The following LY86 variants were observed in gnomAD, a reference collection of about 807,000 sequenced individuals.
LY86 encodes MD-1, RP105-associated.
Under a neutral mutation model 17.3 loss-of-function variants are expected in LY86, and 20 were observed. The ratio of observed to expected loss-of-function variants is 1.15; its 90% CI spans 0.81 to 1.68. LY86 has a LOEUF of 1.68. LY86 is among the 40% of genes most tolerant of loss of function. LY86 has a pLI of 0.00. For missense variants in LY86, 200 were observed against 191.9 expected (o/e 1.04, Z -0.25); for synonymous variants, 74 against 70.6 (o/e 1.05, Z -0.24).
At chr6:6,618,042 T>C (rs1449106317) in intron 1 of LY86, among the ~76,000 whole-genome samples, 2 of 152,208 alleles carry the variant, frequency 1.3e-5, no homozygotes, top group African/African-American at 4.8e-5. Context: ...GGTTTCACCA[T>C]GTTGGCCAGG....
At chr6:6,589,574 T>C (rs963921733) in intron 1 of LY86, among the ~76,000 whole-genome samples, 1 of 152,222 alleles carries the variant, frequency 6.6e-6, no homozygotes, top group African/African-American at 2.4e-5. Context: ...CTTAGTCAGC[T>C]AGGGCTGCCA....
chr6:6,613,309 G>GT (rs1011565466), intron 1 of LY86, among the ~76,000 whole-genome samples: 7 of 152,342 alleles, frequency 4.6e-5, no homozygotes, highest in African/African-American at 1.7e-4. Flanking sequence ...CTAGGGGACG[G>GT]AGCGCTATGG....
intron 1 of LY86, among the ~76,000 whole-genome samples, chr6:6,610,275 C>A (rs1376435201): frequency 6.6e-6 from 1 of 152,210 alleles, no homozygotes; most frequent in Admixed American, 6.5e-5. Context: ...GTACACAGGG[C>A]ACCTCTGTAC....
At chr6:6,612,402 A>G (rs1181577279) in intron 1 of LY86, among the ~76,000 whole-genome samples, 1 of 152,216 alleles carries the variant, frequency 6.6e-6, no homozygotes, top group African/African-American at 2.4e-5. Context: ...CCCAGTGGGT[A>G]CCTAGTCTCA....
chr6:6,650,339 G>GTTTTTTTTTTTTTTTTTTTT (rs138255515), intron 4 of LY86, among the ~76,000 whole-genome samples: 1 of 148,036 alleles, frequency 6.8e-6, no homozygotes. Flanking sequence ...CTCAGATAAT[G>GTTTTTTTTTTTTTTTTTTTT]GTTTTTTTTT....
intron 1 of LY86, among the ~76,000 whole-genome samples, chr6:6,608,966 A>G (rs963886203): frequency 2.0e-5 from 3 of 152,174 alleles, no homozygotes; most frequent in Non-Finnish European, 4.4e-5. Context: ...AGTATTTTTT[A>G]TTCCCCTAAT....
intron 3 of LY86, among the ~76,000 whole-genome samples, chr6:6,631,639 G>C (rs1306675932): frequency 1.3e-5 from 2 of 152,196 alleles, no homozygotes; most frequent in Non-Finnish European, 2.9e-5. Flanking sequence ...TCTGGGGTTG[G>C]GGCTTAGTGA....
intron 1 of LY86, among the ~76,000 whole-genome samples, chr6:6,605,033 A>T (rs1412233970): frequency 1.2e-5 from 1 of 86,946 alleles, no homozygotes; most frequent in African/African-American, 2.9e-5. Flanking sequence ...GACTTTGGAG[A>T]AAAAAAAATC....
chr6:6,620,041 G>A (rs985915571), intron 1 of LY86, among the ~76,000 whole-genome samples: 1 of 152,146 alleles, frequency 6.6e-6, no homozygotes, highest in African/African-American at 2.4e-5. Flanking sequence ...CAGCGACTCT[G>A]CTGTAAGAAT....
At chr6:6,604,992 G>A (rs1184821405) in intron 1 of LY86, among the ~76,000 whole-genome samples, 2 of 151,498 alleles carry the variant, frequency 1.3e-5, no homozygotes, top group Non-Finnish European at 2.9e-5. Context: ...TCTACATACA[G>A]TATAGTTAAG....
chr6:6,629,641 G>A (rs1007756239), intron 3 of LY86, among the ~76,000 whole-genome samples: 4 of 152,226 alleles, frequency 2.6e-5, no homozygotes, highest in East Asian at 1.9e-4. Context: ...ACTGCATCTC[G>A]CTGGCTTTTC....
At chr6:6,648,002 C>T (rs1225884374) in intron 3 of LY86, among the ~76,000 whole-genome samples, 2 of 130,964 alleles carry the variant, frequency 1.5e-5, no homozygotes, top group African/African-American at 5.7e-5. Flanking sequence ...CACACACACA[C>T]ACACACACAC....
rs1222058885 is a variant in LY86, at chr6:6,624,944, G to A, written c.155G>A (p.Gly52Asp). The change falls in exon 2 of 5, where the codon GGC becomes GAC. Residue 52 changes from glycine (G) to aspartate (D), a missense_variant. By Grantham distance (94) the Gly-to-Asp change is moderately conservative. Transcript: ENST00000230568. Reference sequence around the variant, plus strand: ...TTCGTAGATCCATTACAAGATTTTGGCTTTTCTGTTGAAAAGTGTTCCAAG... The same window carrying A: ...TTCGTAGATCCATTACAAGATTTTGACTTTTCTGTTGAAAAGTGTTCCAAG... ...YQSCDPLQDF[G>D]FSVEKCSKQL... The A allele has an allele frequency of 6.4e-6, 10 of 1,556,338 alleles. No homozygotes were observed. The highest frequency in any genetic ancestry group is 8.8e-6 in the Non-Finnish European group (10 of 1,134,724).
At chr6:6,631,310 G>C (rs1288725754) in intron 3 of LY86, among the ~76,000 whole-genome samples, 1 of 152,156 alleles carries the variant, frequency 6.6e-6, no homozygotes, top group Non-Finnish European at 1.5e-5. Context: ...ACTTACCCAA[G>C]GTCACAAAGC....
At chr6:6,651,803 C>T (rs1762190498) in intron 4 of LY86, among the ~76,000 whole-genome samples, 1 of 151,980 alleles carries the variant, frequency 6.6e-6, no homozygotes, top group Admixed American at 6.6e-5. Flanking sequence ...TGCCTGTAAC[C>T]CCAGCACTTT....
chr6:6,642,908 TC>T (rs1393869452), intron 3 of LY86, among the ~76,000 whole-genome samples: 1 of 152,196 alleles, frequency 6.6e-6, no homozygotes, highest in African/African-American at 2.4e-5. Context: ...GTCTGGAACA[TC>T]CTTCCCACCT....
At chr6:6,601,519 G>A (rs1016556940) in intron 1 of LY86, among the ~76,000 whole-genome samples, 4 of 152,108 alleles carry the variant, frequency 2.6e-5, no homozygotes, top group Non-Finnish European at 4.4e-5. Context: ...TCAGGAGATC[G>A]AGACCATCCT....
At chr6:6,596,029 G>A (rs1327004573) in intron 1 of LY86, among the ~76,000 whole-genome samples, 2 of 152,162 alleles carry the variant, frequency 1.3e-5, no homozygotes, top group Non-Finnish European at 2.9e-5. Flanking sequence ...TGGCCTTTAA[G>A]TCCACCTCTG....
At chr6:6,612,129 A>C (rs369015576) in intron 1 of LY86, among the ~76,000 whole-genome samples, 1 of 152,154 alleles carries the variant, frequency 6.6e-6, no homozygotes, top group African/African-American at 2.4e-5. Context: ...AATCAGCTCA[A>C]CAACTCCTAA....
Sources: allele counts gnomAD v4.1 joint callset (sites outside exome capture counted in the v4.1 genomes callset), GRCh38; gene constraint gnomAD v4.1.1; transcripts MANE v1.5; gene names NCBI Gene and HGNC (gene_info 2026-07-23, HGNC 2026-07-21).